ITGB5: variants seen among roughly 807,000 people sequenced by gnomAD.
ITGB5 encodes the protein integrin subunit beta 5.
In ITGB5, 38 loss-of-function variants were observed where a neutral mutation model predicts 84.8. The ratio of observed to expected loss-of-function variants is 0.45; its 90% CI spans 0.35 to 0.59. The LOEUF (loss-of-function observed/expected upper bound fraction) is 0.59. ITGB5 is among the 20% of genes least tolerant of loss of function. The probability of loss-of-function intolerance (pLI) is 0.01; values close to 1 mark genes in which losing one functional copy is unlikely to be tolerated. For synonymous variants in ITGB5, 393 were observed against 414.4 expected, an observed-to-expected ratio of 0.95 and a Z score of 0.63; for missense variants, 905 against 1,034.5, an observed-to-expected ratio of 0.87 and a Z score of 1.72.
intron 5 of ITGB5, among the ~76,000 whole-genome samples, chr3:124,826,052 T>G (rs1373223522): frequency 6.6e-6 from 1 of 152,206 alleles, no homozygotes; most frequent in East Asian, 1.9e-4. Context: ...TTCAGCACTA[T>G]AGTTATAGTG....
At chr3:124,789,202 T>G (rs1436399493) in intron 10 of ITGB5, among the ~76,000 whole-genome samples, 2 of 152,238 alleles carry the variant, frequency 1.3e-5, no homozygotes, top group South Asian at 2.1e-4. Flanking sequence ...GAAAATTACA[T>G]TACTAAAGAA....
chr3:124,779,699 G>A (rs913416316), intron 10 of ITGB5, among the ~76,000 whole-genome samples: 2 of 152,084 alleles, frequency 1.3e-5, no homozygotes, highest in East Asian at 1.9e-4. Context: ...ATTTAAATGG[G>A]GCCAGTAAAA....
At chr3:124,854,786 TA>T (rs1319895524) in intron 3 of ITGB5, among the ~76,000 whole-genome samples, 1 of 152,182 alleles carries the variant, frequency 6.6e-6, no homozygotes, top group African/African-American at 2.4e-5. Context: ...TTTAAAAAAA[TA>T]AAAAATGTCC....
At chr3:124,890,505 A>G (rs114450308), upstream of ITGB5, among the ~76,000 whole-genome samples, 1,233 of 152,100 alleles carry the variant, frequency 8.1e-3, 22 homozygotes, top group African/African-American at 0.027. Flanking sequence ...GGCCTTATCT[A>G]GCATTCTTTA....
At chr3:124,766,449 G>C (rs1239282546) in intron 12 of ITGB5, 104 bp from the exon 13 acceptor site, 2 of 1,382,952 alleles carry the variant, frequency 1.4e-6, no homozygotes, top group East Asian at 4.7e-5. Flanking sequence ...AAAGGGCATG[G>C]GGGGTGTGGG....
intron 1 of ITGB5, among the ~76,000 whole-genome samples, chr3:124,900,851 A>G (rs1032639285): frequency 6.6e-6 from 1 of 152,210 alleles, no homozygotes; most frequent in African/African-American, 2.4e-5. Context: ...TAAAACATTG[A>G]TTTCTCTGAA....
At chr3:124,825,505 A>C (rs75776450) in intron 5 of ITGB5, among the ~76,000 whole-genome samples, 3,769 of 152,340 alleles carry the variant, frequency 0.025, 178 homozygotes, top group African/African-American at 0.086. Context: ...TAAATACTAC[A>C]CTGCAATAAA....
intron 7 of ITGB5, 91 bp from the exon 8 acceptor site, chr3:124,817,801 G>C: frequency 1.4e-6 from 1 of 709,430 alleles, no homozygotes; most frequent in Non-Finnish European, 2.4e-6. Context: ...GAACAGTAAA[G>C]GCTCCTAGAA....
chr3:124,845,672 C>A lies in ITGB5; in HGVS notation c.611+2637G>T, dbSNP rs568678598. ...TAACTTTGAATATTTAAATGCTGAG[C>A]GCCTAGAGCCAGCCCTTGATTCTCT... On this transcript the variant is annotated intron_variant, in intron 4 of 14. Coordinates refer to ENST00000296181, the MANE Select transcript of ITGB5 (RefSeq NM_002213.5). 2.0e-5 allele frequency among the ~76,000 whole-genome samples: 3 copies of A among 152,214 alleles called. No homozygotes were observed. In the South Asian group the frequency reaches 6.2e-4, roughly 32 times the overall value.
intron 4 of ITGB5, among the ~76,000 whole-genome samples, chr3:124,845,032 A>G (rs545954374): frequency 7.9e-5 from 12 of 152,346 alleles, no homozygotes; most frequent in Non-Finnish European, 1.0e-4. Context: ...AAGCTTATAA[A>G]TTGCATGAAA....
chr3:124,859,126 T>A (rs548862390), intron 3 of ITGB5, 116 bp downstream of exon 3: 3 of 949,198 alleles, frequency 3.2e-6, no homozygotes, highest in Admixed American at 4.7e-5. Context: ...CCCATCACCA[T>A]CTCGTGGCTC....
intron 8 of ITGB5, among the ~76,000 whole-genome samples, chr3:124,816,400 C>T (rs930943885): frequency 2.0e-5 from 3 of 152,212 alleles, no homozygotes; most frequent in Non-Finnish European, 2.9e-5. Flanking sequence ...CGTACTGATT[C>T]GTTAGGTTCC....
chr3:124,894,827 G>T (rs1202169695), intron 1 of ITGB5, among the ~76,000 whole-genome samples: 2 of 152,148 alleles, frequency 1.3e-5, no homozygotes, highest in African/African-American at 4.8e-5. Flanking sequence ...TACACCAGGG[G>T]TGTCCAATCT....
intron 10 of ITGB5, among the ~76,000 whole-genome samples, chr3:124,795,422 G>A (rs909855843): frequency 1.3e-5 from 2 of 151,988 alleles, no homozygotes; most frequent in African/African-American, 4.8e-5. Flanking sequence ...CTGGGAGGCA[G>A]AGGTTGCAGT....
chr3:124,791,104 A>G (rs2064143313), intron 10 of ITGB5: 1 of 152,252 alleles, frequency 6.6e-6, no homozygotes, highest in African/African-American at 2.4e-5. Context: ...AAACTAACAA[A>G]GAAACTCAAA....
intron 9 of ITGB5, among the ~76,000 whole-genome samples, chr3:124,800,708 G>C (rs1041311053): frequency 6.6e-6 from 1 of 152,158 alleles, no homozygotes; most frequent in African/African-American, 2.4e-5. Flanking sequence ...GACCAGCAAG[G>C]AAATCTGTTT....
At chr3:124,842,496 T>C (rs1367222853) in intron 4 of ITGB5, among the ~76,000 whole-genome samples, 2 of 152,154 alleles carry the variant, frequency 1.3e-5, no homozygotes, top group Middle Eastern at 3.2e-3. Flanking sequence ...GAGAAGAGCA[T>C]GTGCAAGAGT....
At chr3:124,837,878 G>C (rs1025557013) in intron 5 of ITGB5, among the ~76,000 whole-genome samples, 1 of 152,244 alleles carries the variant, frequency 6.6e-6, no homozygotes, top group Non-Finnish European at 1.5e-5. Context: ...GTGCAGCGCT[G>C]CCGGGGAATT....
intron 2 of ITGB5, among the ~76,000 whole-genome samples, chr3:124,866,269 C>A (rs1355946691): frequency 3.3e-5 from 5 of 152,220 alleles, no homozygotes; most frequent in Admixed American, 3.3e-4. Flanking sequence ...AGGCATGAGC[C>A]ACCATGCCCA....
Sources: gnomAD v4.1 joint callset for allele counts (sites outside exome capture counted in the v4.1 genomes callset) on GRCh38, gnomAD v4.1.1 for gene constraint, MANE v1.5 for transcripts, NCBI Gene and HGNC (gene_info 2026-07-23, HGNC 2026-07-21) for gene names.